Variants in CD47 observed in about 807,000 individuals in gnomAD.
CD47 encodes CD47 molecule.
In CD47, 11 loss-of-function variants were observed where a neutral mutation model predicts 44.6. The ratio of observed to expected loss-of-function variants is 0.25; its 90% CI spans 0.16 to 0.41. The LOEUF is 0.41. Among genes scored for constraint, CD47 ranks in the 10% least tolerant of loss-of-function variants. CD47 has a pLI of 1.00. For missense variants in CD47, 306 were observed against 386.7 expected (o/e 0.79, Z 1.75); for synonymous variants, 140 against 136.3 (o/e 1.03, Z -0.19).
Position 108,079,991 on chromosome 3 carries a change from C to A in CD47, c.400G>T (p.Val134Phe). ...AAAGAAGCTTTCATAGAAGTCTTAC[C>A]AACACGATATTTTAGCTCGATGATC... ...ETIIELKYRV[V>F]SWFSPNENIL... is the part of the protein sequence containing the mutation. The change falls in exon 2 of 11, where the codon GTT becomes TTT. Residue 134 changes from valine to phenylalanine, a missense_variant and splice_region_variant. By Grantham distance (50) the Val-to-Phe change is conservative. Transcript: ENST00000361309. The A allele has an allele frequency of 1.3e-6, 2 of 1,598,138 alleles. No individual in the cohort carries two copies. Among genetic ancestry groups the A allele is most frequent in the Non-Finnish European group, 1.7e-6 (2 of 1,169,324 alleles).
intron 1 of CD47, among the ~76,000 whole-genome samples, chr3:108,084,471 A>T (rs1166871778): frequency 6.6e-6 from 1 of 151,964 alleles, no homozygotes; most frequent in Non-Finnish European, 1.5e-5. Context: ...AGGGCTTCAG[A>T]TTCAGTACCC....
intron 1 of CD47, among the ~76,000 whole-genome samples, chr3:108,087,914 AT>A (rs1374298449): frequency 6.6e-6 from 1 of 152,168 alleles, no homozygotes; most frequent in African/African-American, 2.4e-5. Flanking sequence ...GGTGCTCTGT[AT>A]TTTCTACTTT....
intron 3 of CD47, 105 bp from the exon 4 acceptor site, chr3:108,060,957 T>C: frequency 1.4e-6 from 1 of 704,216 alleles, no homozygotes; most frequent in South Asian, 1.7e-5. Flanking sequence ...TATAATGTAA[T>C]AACTTATGAG....
intron 4 of CD47, 83 bp downstream of exon 4, chr3:108,060,662 C>G (rs1022262257): frequency 1.7e-5 from 15 of 870,858 alleles, no homozygotes; most frequent in Non-Finnish European, 2.7e-5. Flanking sequence ...TTCCAACAGC[C>G]CTAGGAAACT....
intron 1 of CD47, among the ~76,000 whole-genome samples, chr3:108,081,857 G>T (rs550693101): frequency 1.1e-4 from 17 of 152,008 alleles, no homozygotes; most frequent in Admixed American, 3.3e-4. Context: ...TCTTTGACTA[G>T]TCCAAATTGT....
chr3:108,051,432 T>C (rs2078825666), intron 8 of CD47, among the ~76,000 whole-genome samples: 1 of 152,220 alleles, frequency 6.6e-6, no homozygotes, highest in African/African-American at 2.4e-5. Context: ...AGCACAGTTT[T>C]AAGGGAAAAA....
chr3:108,074,932 T>TA (rs1469231682), intron 2 of CD47, among the ~76,000 whole-genome samples: 2 of 152,212 alleles, frequency 1.3e-5, no homozygotes, highest in African/African-American at 4.8e-5. Flanking sequence ...TAAAGCCACT[T>TA]ATATGCCTAT....
Position 108,090,988 on chromosome 3 carries a change from G to C in CD47, c.-80C>G, listed in dbSNP as rs1560051352. The C allele has an allele frequency of 2.0e-6, 2 of 1,019,228 alleles. No individual in the cohort carries two copies. Among genetic ancestry groups the C allele is most frequent in the Non-Finnish European group, 2.6e-6 (2 of 761,928 alleles). The allele number at this position is 1,019,228 out of a possible 1,614,324, so 63.1% of individuals were successfully genotyped here. A position where few individuals can be genotyped will look rare whatever the true frequency, so the allele number is the denominator to read the frequency against. On this transcript the variant is annotated 5_prime_UTR_variant, in exon 1 of 11. Transcript: ENST00000361309. Reference sequence around the variant, plus strand: ...CGCCGCCGCCGTTACAGGCAGGACCGACCGCCGCCGCGCGTCACAGGCAGG... The same window carrying C: ...CGCCGCCGCCGTTACAGGCAGGACCCACCGCCGCCGCGCGTCACAGGCAGG...
intron 9 of CD47, among the ~76,000 whole-genome samples, 178 bp from the exon 10 acceptor site, chr3:108,049,829 A>C (rs2078794529): frequency 6.6e-6 from 1 of 152,226 alleles, no homozygotes; most frequent in Non-Finnish European, 1.5e-5. Flanking sequence ...AGCATTCACA[A>C]AGGAAACAGA....
intron 3 of CD47, among the ~76,000 whole-genome samples, chr3:108,062,377 T>C (rs1388572880): frequency 1.3e-5 from 2 of 152,206 alleles, no homozygotes; most frequent in Admixed American, 1.3e-4. Flanking sequence ...GAACTTTCTC[T>C]AGACATATGT....
intron 1 of CD47, among the ~76,000 whole-genome samples, chr3:108,081,583 G>A (rs1178704341): frequency 6.6e-6 from 1 of 151,906 alleles, no homozygotes; most frequent in African/African-American, 2.4e-5. Context: ...CAAAACACCT[G>A]AGTAAAAATA....
intron 10 of CD47, 39 bp from the exon 11 acceptor site, chr3:108,047,331 G>C: frequency 6.5e-7 from 1 of 1,550,070 alleles, no homozygotes; most frequent in Non-Finnish European, 8.9e-7. Flanking sequence ...CACTATTCGT[G>C]TCTATTTTCT....
chr3:108,048,966 G>C (rs1273495883), intron 10 of CD47, among the ~76,000 whole-genome samples: 2 of 152,010 alleles, frequency 1.3e-5, no homozygotes, highest in African/African-American at 4.8e-5. Context: ...AATGCTTGTA[G>C]CACTCAATAT....
rs1488053921 is a variant in CD47 at position 108,045,631 on chromosome 3, T to C, written c.*1657A>G. 2 of 152,582 alleles carry C rather than the reference T, an allele frequency of 1.3e-5. No individual in the cohort carries two copies. Among genetic ancestry groups the C allele is most frequent in the Admixed American group, 1.3e-4 (2 of 15,276 alleles). 9.5% of individuals were successfully genotyped at this position (152,582 alleles called of 1,614,324 possible). A position where few individuals can be genotyped will look rare whatever the true frequency, so the allele number is the denominator to read the frequency against. Reference sequence around the variant, plus strand: ...GAGAGGCCTCAGCAGGTCATAAATTTAGGTTTGCCATGGGCAAACTACTTG... The same window carrying C: ...GAGAGGCCTCAGCAGGTCATAAATTCAGGTTTGCCATGGGCAAACTACTTG... On this transcript the variant is annotated 3_prime_UTR_variant, in exon 11 of 11. Transcript: ENST00000361309.
intron 3 of CD47, among the ~76,000 whole-genome samples, chr3:108,064,906 C>T (rs1404593181): frequency 6.6e-6 from 1 of 152,154 alleles, no homozygotes; most frequent in South Asian, 2.1e-4. Context: ...GCACATCAGA[C>T]ACCTTTACAC....
In CD47 at chr3:108,080,083, C is replaced by T. The variant is rs2079387692; in HGVS notation, c.308G>A (p.Ser103Asn). 6.2e-7 allele frequency: 1 copy of T among 1,613,176 alleles called. No individual in the cohort carries two copies. The highest frequency in any genetic ancestry group is 1.1e-5 in the South Asian group (1 of 91,060). ...KGDASLKMDKSDAVSHTGNYT... is the reference protein window; with the variant it reads ...KGDASLKMDKNDAVSHTGNYT... Reference sequence around the variant, plus strand: ...GTTTCCTGTGTGTGAGACAGCATCACTCTTATCCATCTTCAAAGAGGCATC... The same window carrying T: ...GTTTCCTGTGTGTGAGACAGCATCATTCTTATCCATCTTCAAAGAGGCATC... Residue 103 changes from serine (S) to asparagine (N), a missense_variant, in exon 2 of 11, where the codon AGT becomes AAT. Coordinates refer to ENST00000361309, the MANE Select transcript of CD47 (RefSeq NM_001777.4).
chr3:108,083,900 T>C (rs368332890), intron 1 of CD47, among the ~76,000 whole-genome samples: 4 of 146,422 alleles, frequency 2.7e-5, no homozygotes, highest in African/African-American at 8.1e-5. Context: ...CCACACCTTT[T>C]TTTTTTTTTT....
chr3:108,057,621 T>G (rs774496639), intron 6 of CD47, 52 bp from the exon 7 acceptor site: 1 of 886,068 alleles, frequency 1.1e-6, no homozygotes, highest in African/African-American at 1.7e-5. Context: ...AATAACTTAC[T>G]AAAAAACAGT....
chr3:108,069,972 G>A (rs1373985180), intron 3 of CD47, among the ~76,000 whole-genome samples: 1 of 152,100 alleles, frequency 6.6e-6, no homozygotes, highest in African/African-American at 2.4e-5. Context: ...AAAATGTCTT[G>A]ACAGTTGCCA....
Sources: gnomAD v4.1 joint callset for allele counts (sites outside exome capture counted in the v4.1 genomes callset) on GRCh38, gnomAD v4.1.1 for gene constraint, MANE v1.5 for transcripts, NCBI Gene and HGNC (gene_info 2026-07-23, HGNC 2026-07-21) for gene names.